CSMD3: variants seen among roughly 807,000 people sequenced by gnomAD.
CSMD3 encodes the protein CUB and Sushi multiple domains 3, also known as CUB and sushi domain-containing protein 3.
A neutral mutation model predicts 435.2 loss-of-function variants in CSMD3; 177 were observed. The observed-to-expected ratio is 0.41, with a 90% CI of 0.36 to 0.46. The LOEUF is 0.46. CSMD3 is among the 20% of genes least tolerant of loss of function. The probability of loss-of-function intolerance (pLI) is 0.34; values close to 1 mark genes in which losing one functional copy is unlikely to be tolerated. For synonymous variants in CSMD3, 1,656 were observed against 1,520.5 expected (o/e 1.09, Z -2.07); for missense variants, 4,265 against 4,504.6 (o/e 0.95, Z 1.52).
chr8:112,489,682 C>G (rs1820492574), intron 31 of CSMD3, among the ~76,000 whole-genome samples: 1 of 152,144 alleles, frequency 6.6e-6, no homozygotes, highest in East Asian at 1.9e-4. Flanking sequence ...CGCAGAAACT[C>G]AGACTTTTTT....
chr8:113,414,962 AAAAAACAAAAAACG>A (rs2094575613), intron 1 of CSMD3, among the ~76,000 whole-genome samples: 1 of 152,090 alleles, frequency 6.6e-6, no homozygotes, highest in Admixed American at 6.6e-5. Flanking sequence ...GCAGTATGTA[AAAAAACAAAAAACG>A]AAAAACAAAA....
intron 3 of CSMD3, among the ~76,000 whole-genome samples, chr8:113,223,540 T>A (rs1437409536): frequency 1.3e-5 from 2 of 150,146 alleles, no homozygotes. Context: ...TTAGCCTTTA[T>A]TATTTATATA....
chr8:112,344,648 A>G (rs1249376700), intron 41 of CSMD3, among the ~76,000 whole-genome samples: 2 of 152,144 alleles, frequency 1.3e-5, no homozygotes, highest in Non-Finnish European at 2.9e-5. Flanking sequence ...TTTAATGAAC[A>G]TGTGTACCCT....
chr8:113,141,249 C>T (rs897387112), intron 4 of CSMD3, among the ~76,000 whole-genome samples: 3 of 150,404 alleles, frequency 2.0e-5, no homozygotes, highest in East Asian at 1.9e-4. Flanking sequence ...TTCTACCAAA[C>T]GCAGAAAAAC....
At chr8:113,325,300 C>T (rs968987899) in intron 1 of CSMD3, among the ~76,000 whole-genome samples, 4 of 152,140 alleles carry the variant, frequency 2.6e-5, no homozygotes, top group African/African-American at 9.7e-5. Flanking sequence ...TGAATTCCCA[C>T]ATGTTGTGGG....
intron 1 of CSMD3, among the ~76,000 whole-genome samples, chr8:113,394,003 T>G (rs1248520824): frequency 6.6e-6 from 1 of 152,112 alleles, no homozygotes; most frequent in Admixed American, 6.6e-5. Flanking sequence ...TGAGGTTTAG[T>G]ATAATGATGG....
chr8:112,442,177 C>G (rs1169860356), intron 32 of CSMD3, among the ~76,000 whole-genome samples: 1 of 152,100 alleles, frequency 6.6e-6, no homozygotes, highest in Non-Finnish European at 1.5e-5. Flanking sequence ...TTTAAACAAC[C>G]ATGTCGAGTG....
chr8:112,703,539 A>G (rs1015669898), intron 13 of CSMD3, among the ~76,000 whole-genome samples: 6 of 152,178 alleles, frequency 3.9e-5, no homozygotes, highest in Non-Finnish European at 8.8e-5. Context: ...CAGCCAAATA[A>G]TAACATCTGG....
chr8:112,400,480 C>T (rs1465555331), intron 35 of CSMD3, among the ~76,000 whole-genome samples: 1 of 152,126 alleles, frequency 6.6e-6, no homozygotes, highest in Non-Finnish European at 1.5e-5. Flanking sequence ...TATCTAAAGA[C>T]TCCTGATGGA....
intron 10 of CSMD3, among the ~76,000 whole-genome samples, chr8:112,899,262 T>G (rs2082034518): frequency 1.3e-5 from 2 of 150,868 alleles, no homozygotes; most frequent in African/African-American, 4.9e-5. Context: ...TTTTGATTCT[T>G]CATTTACTAG....
At chr8:112,911,641 A>G (rs1053925194) in intron 10 of CSMD3, among the ~76,000 whole-genome samples, 3 of 147,020 alleles carry the variant, frequency 2.0e-5, no homozygotes, top group Non-Finnish European at 3.0e-5. Context: ...GTACATATAT[A>G]TGTGTGTGTG....
intron 11 of CSMD3, among the ~76,000 whole-genome samples, chr8:112,847,667 GA>G (rs2080363563): frequency 1.3e-5 from 2 of 152,236 alleles, no homozygotes; most frequent in South Asian, 4.1e-4. Flanking sequence ...TGAGGTTTCA[GA>G]CCTGGCACTG....
chr8:112,371,078 G>A (rs181418114), intron 38 of CSMD3, among the ~76,000 whole-genome samples: 24 of 152,252 alleles, frequency 1.6e-4, no homozygotes, highest in African/African-American at 5.8e-4. Flanking sequence ...CAGCTGCCCA[G>A]ATTTCCCCTG....
chr8:112,286,360 A>C (rs1041115457), intron 58 of CSMD3, among the ~76,000 whole-genome samples: 2 of 152,102 alleles, frequency 1.3e-5, no homozygotes, highest in African/African-American at 4.8e-5. Context: ...TAGCCAATCC[A>C]TATATTTTAA....
chr8:112,375,838 C>T (rs1828891648), intron 38 of CSMD3, among the ~76,000 whole-genome samples: 1 of 152,066 alleles, frequency 6.6e-6, no homozygotes, highest in Non-Finnish European at 1.5e-5. Context: ...ATCTGTGGCA[C>T]CTATAACAAA....
chr8:113,249,531 T>A (rs2093314450), intron 3 of CSMD3, among the ~76,000 whole-genome samples: 2 of 152,070 alleles, frequency 1.3e-5, no homozygotes, highest in South Asian at 4.1e-4. Context: ...TATTGTGAAT[T>A]TTTCTATTTT....
At chr8:112,933,910 A>T (rs1277875585) in intron 9 of CSMD3, among the ~76,000 whole-genome samples, 1 of 152,154 alleles carries the variant, frequency 6.6e-6, no homozygotes, top group Non-Finnish European at 1.5e-5. Flanking sequence ...CACAGGTTGC[A>T]GACAGGCATA....
intron 22 of CSMD3, among the ~76,000 whole-genome samples, chr8:112,634,060 T>A (rs1235387760): frequency 6.6e-6 from 1 of 151,982 alleles, no homozygotes; most frequent in Non-Finnish European, 1.5e-5. Context: ...GAAGACTAAA[T>A]AATGATTTTT....
intron 22 of CSMD3, among the ~76,000 whole-genome samples, chr8:112,631,811 G>A (rs2074523684): frequency 6.6e-6 from 1 of 151,678 alleles, no homozygotes; most frequent in Non-Finnish European, 1.5e-5. Context: ...AAAAAAAATT[G>A]GGTTAAATAG....
Sources: gnomAD v4.1 joint callset for allele counts (sites outside exome capture counted in the v4.1 genomes callset) on GRCh38, gnomAD v4.1.1 for gene constraint, MANE v1.5 for transcripts, NCBI Gene and HGNC (gene_info 2026-07-23, HGNC 2026-07-21) for gene names.